Variants in MRTFA observed in about 807,000 individuals in gnomAD.
MRTFA encodes myocardin-related transcription factor A.
MRTFA carries 20 observed loss-of-function variants against 83.5 expected under a neutral mutation model. That is an observed-to-expected ratio of 0.24 (90% CI 0.17 to 0.35). MRTFA has a LOEUF of 0.35. Among genes scored for constraint, MRTFA ranks in the 10% least tolerant of loss-of-function variants. The pLI is 1.00. For synonymous variants in MRTFA, 659 were observed against 541.2 expected, an observed-to-expected ratio of 1.22 and a Z score of -3.02; for missense variants, 1,200 against 1,224.7, an observed-to-expected ratio of 0.98 and a Z score of 0.30.
chr22:40,615,107 A>G (rs2056433837), intron 1 of MRTFA, among the ~76,000 whole-genome samples: 1 of 152,072 alleles, frequency 6.6e-6, no homozygotes, highest in Non-Finnish European at 1.5e-5. Flanking sequence ...TTTCTCCTAT[A>G]AGTTTTATGC....
chr22:40,521,001 CTGAGA>C (rs1293724089), intron 3 of MRTFA, among the ~76,000 whole-genome samples: 7 of 151,860 alleles, frequency 4.6e-5, no homozygotes, highest in African/African-American at 1.4e-4. Flanking sequence ...ACTTTTCATT[CTGAGA>C]TAATTATAGA....
intron 3 of MRTFA, among the ~76,000 whole-genome samples, chr22:40,480,274 A>ATT (rs372793419): frequency 1.4e-5 from 2 of 145,126 alleles, no homozygotes; most frequent in African/African-American, 5.0e-5. Flanking sequence ...CTGTATGTTT[A>ATT]TTTTTTTTTT....
intron 1 of MRTFA, among the ~76,000 whole-genome samples, chr22:40,621,122 C>T (rs1458510171): frequency 6.6e-6 from 1 of 150,458 alleles, no homozygotes; most frequent in Non-Finnish European, 1.5e-5. Flanking sequence ...ATGGAGGCTG[C>T]ATTGAGCCAT....
chr22:40,560,147 G>T (rs1405980512), intron 2 of MRTFA, among the ~76,000 whole-genome samples: 1 of 152,186 alleles, frequency 6.6e-6, no homozygotes, highest in Non-Finnish European at 1.5e-5. Flanking sequence ...GAGTGAGGAA[G>T]AACACACAAA....
chr22:40,461,310 G>A (rs1303410652), intron 4 of MRTFA, among the ~76,000 whole-genome samples: 1 of 151,138 alleles, frequency 6.6e-6, no homozygotes, highest in Non-Finnish European at 1.5e-5. Context: ...TATTGTGGTA[G>A]GTCCATTCTG....
intron 1 of MRTFA, among the ~76,000 whole-genome samples, chr22:40,615,055 A>T (rs879364789): frequency 9.9e-5 from 15 of 152,126 alleles, no homozygotes; most frequent in Non-Finnish European, 2.1e-4. Context: ...TAGAAAAAAA[A>T]AAATCTGCCT....
intron 3 of MRTFA, among the ~76,000 whole-genome samples, chr22:40,479,015 G>T (rs1212755171): frequency 6.6e-6 from 1 of 152,128 alleles, no homozygotes; most frequent in South Asian, 2.1e-4. Flanking sequence ...AGGCAGATAG[G>T]GAGGGTATGG....
intron 4 of MRTFA, among the ~76,000 whole-genome samples, chr22:40,459,239 CAAAAAAAAAAAAAAA>C: frequency 1.1e-5 from 1 of 87,124 alleles, no homozygotes; most frequent in African/African-American, 4.4e-5. Flanking sequence ...AGGGGTCTGG[CAAAAAAAAAAAAAAA>C]AAAAAAAAAG....
intron 3 of MRTFA, among the ~76,000 whole-genome samples, chr22:40,517,402 A>C (rs2054779572): frequency 6.6e-6 from 1 of 152,204 alleles, no homozygotes; most frequent in Non-Finnish European, 1.5e-5. Context: ...ACAGCCTATC[A>C]ACAGCTAACA....
intron 1 of MRTFA, among the ~76,000 whole-genome samples, chr22:40,614,273 T>C (rs938840186): frequency 6.6e-6 from 1 of 151,426 alleles, no homozygotes; most frequent in East Asian, 1.9e-4. Flanking sequence ...TAGCCAGGCA[T>C]GGTAGCACCC....
At chr22:40,598,210 C>A (rs2056215650) in intron 1 of MRTFA, among the ~76,000 whole-genome samples, 1 of 151,962 alleles carries the variant, frequency 6.6e-6, no homozygotes, top group South Asian at 2.1e-4. Flanking sequence ...CCGCCCCTCC[C>A]CAGCCTCCTA....
intron 3 of MRTFA, among the ~76,000 whole-genome samples, chr22:40,493,218 C>G (rs2054297837): frequency 6.6e-6 from 1 of 152,168 alleles, no homozygotes; most frequent in Non-Finnish European, 1.5e-5. Context: ...GGCATTTCCA[C>G]CTAAACAGAA....
intron 3 of MRTFA, among the ~76,000 whole-genome samples, chr22:40,494,087 C>G (rs1190239378): frequency 6.6e-6 from 1 of 152,130 alleles, no homozygotes; most frequent in Non-Finnish European, 1.5e-5. Flanking sequence ...GTCTCTATGC[C>G]TATATGGTTT....
At chr22:40,449,743 G>C (rs372287181) in intron 4 of MRTFA, among the ~76,000 whole-genome samples, 6 of 152,190 alleles carry the variant, frequency 3.9e-5, no homozygotes, top group African/African-American at 1.4e-4. Flanking sequence ...AATTCTGTTG[G>C]CTGTGTGGGT....
intron 3 of MRTFA, among the ~76,000 whole-genome samples, chr22:40,485,771 T>C (rs1302354629): frequency 6.6e-6 from 1 of 152,090 alleles, no homozygotes; most frequent in Non-Finnish European, 1.5e-5. Context: ...AAGAATCACT[T>C]AGAGGAGGTT....
chr22:40,519,633 A>C, intron 3 of MRTFA: 1 of 1,277,292 alleles, frequency 7.8e-7, no homozygotes, highest in Non-Finnish European at 1.0e-6. Context: ...TAAAAGCAAA[A>C]AAGAAATAAA....
intron 1 of MRTFA, among the ~76,000 whole-genome samples, chr22:40,611,635 A>G (rs1355689026): frequency 2.0e-5 from 3 of 152,212 alleles, no homozygotes; most frequent in Non-Finnish European, 4.4e-5. Context: ...AAGCTGTTCC[A>G]TGAATTCAGG....
In MRTFA at chr22:40,617,712, G is replaced by A. The variant is rs527372689; in HGVS notation, c.-84+18766C>T. Among the ~76,000 whole-genome samples, 197 of 134,176 alleles carry A rather than the reference G, an allele frequency of 1.5e-3. 1 individual carries two copies. The Middle Eastern group carries it at 0.022, about 15-fold the overall frequency. 88.0% of individuals were successfully genotyped at this position (134,176 alleles called of 152,430 possible). On this transcript the variant is annotated intron_variant, in intron 1 of 14. Coordinates refer to ENST00000355630, the MANE Select transcript of MRTFA (RefSeq NM_020831.6). ...ACTGCACTCCAGCCTGGGCGACAGA[G>A]CAAGACTCTGTCTCAAAAAAAAAAA...
intron 5 of MRTFA, 114 bp downstream of exon 5, chr22:40,435,385 G>T: frequency 8.7e-7 from 1 of 1,145,476 alleles, no homozygotes; most frequent in Non-Finnish European, 1.3e-6. Context: ...CTAGAGTCTA[G>T]CAGGCTCTGG....
Sources: allele counts gnomAD v4.1 joint callset (sites outside exome capture counted in the v4.1 genomes callset), GRCh38; gene constraint gnomAD v4.1.1; transcripts MANE v1.5; gene names NCBI Gene and HGNC (gene_info 2026-07-23, HGNC 2026-07-21).